The following KIF13A variants were observed in gnomAD, a reference collection of about 807,000 sequenced individuals.
The protein encoded by KIF13A is kinesin family member 13A.
KIF13A carries 79 observed loss-of-function variants against 212.2 expected under a neutral mutation model. The ratio of observed to expected loss-of-function variants is 0.37; its 90% CI spans 0.31 to 0.45. KIF13A has a LOEUF of 0.45. KIF13A is among the 20% of genes least tolerant of loss of function. KIF13A has a pLI of 1.00. For missense variants in KIF13A, 1,901 were observed against 2,209.0 expected (o/e 0.86, Z 2.79); for synonymous variants, 789 against 808.6 (o/e 0.98, Z 0.41).
rs114042066 is a variant in KIF13A, at chr6:17,892,002, C to G, written c.159+6166G>C. Among the ~76,000 whole-genome samples, 4 of 152,278 alleles carry G rather than the reference C, an allele frequency of 2.6e-5. No individual in the cohort carries two copies. The highest frequency in any genetic ancestry group is 6.5e-5 in the Admixed American group (1 of 15,298). On this transcript the variant is annotated intron_variant, in intron 3 of 38. Transcript: ENST00000259711. This position sits in a 1 kb window ranked among gnomAD's most constrained non-coding sequence, Gnocchi z 4.7. ...GATACCTCTTCCTCCACTTCCTACT[C>G]TCTTCACCCCAATAATTTACCTGAT... is the stretch of plus-strand genomic sequence containing the variant.
At position 17,826,188 on chromosome 6, in the gene KIF13A, C is replaced by G. The variant is rs1299878484; in HGVS notation, c.1533-64G>C. The G allele has an allele frequency of 1.5e-5, 19 of 1,231,664 alleles. No homozygotes were observed. In the East Asian group the frequency reaches 4.2e-4, roughly 27 times the overall value. 76.3% of individuals were successfully genotyped at this position (1,231,664 alleles called of 1,614,324 possible). A position where few individuals can be genotyped will look rare whatever the true frequency, so the allele number is the denominator to read the frequency against. ...GGAGCACAAGACCTTGTCCTGGTAG[C>G]CAAAGAGATAACTAGGGGAGCTTTC... is the stretch of plus-strand genomic sequence containing the variant. On this transcript the variant is annotated intron_variant, in intron 14 of 38. Coordinates refer to ENST00000259711, the MANE Select transcript of KIF13A (RefSeq NM_022113.6). The surrounding 1 kb of genome is among the most constrained non-coding windows in gnomAD (Gnocchi z 4.7).
chr6:17,931,824 A>G (rs536899050), intron 2 of KIF13A, among the ~76,000 whole-genome samples: 22 of 152,246 alleles, frequency 1.4e-4, no homozygotes, highest in Non-Finnish European at 2.5e-4. Context: ...TGATAATGGG[A>G]AAAAAATGCA....
chr6:17,924,767 A>T (rs1012013243), intron 2 of KIF13A, among the ~76,000 whole-genome samples: 6 of 152,232 alleles, frequency 3.9e-5, no homozygotes, highest in Non-Finnish European at 7.3e-5. Context: ...GCTAAGAAGC[A>T]AAGTCTTCCA....
chr6:17,845,805 C>T (rs73371152), intron 9 of KIF13A, among the ~76,000 whole-genome samples: 1,809 of 152,278 alleles, frequency 0.012, 27 homozygotes, highest in African/African-American at 0.041. Context: ...CAGTAGGCCA[C>T]GCAGTGTCTT....
chr6:17,773,591 G>T lies in KIF13A; in HGVS notation c.4219-8C>A. The stretch of plus-strand genomic sequence containing the variant: ...CTGGTTCTCTGGCCAACCCTACAAG[G>T]TAAAAATATGGGTTAACTGTAATTG... On this transcript the variant is annotated splice_polypyrimidine_tract_variant and splice_region_variant and intron_variant, in intron 35 of 38. Transcript: ENST00000259711. The surrounding 1 kb of genome is among the most constrained non-coding windows in gnomAD (Gnocchi z 4.2). 2 of 1,522,360 alleles carry T rather than the reference G, an allele frequency of 1.3e-6. No individual in the cohort carries two copies. The highest frequency in any genetic ancestry group is 1.7e-5 in the Admixed American group (1 of 59,170). The allele number at this position is 1,522,360 out of a possible 1,614,324, so 94.3% of individuals were successfully genotyped here. A position where few individuals can be genotyped will look rare whatever the true frequency, so the allele number is the denominator to read the frequency against.
At position 17,886,725 on chromosome 6, in the gene KIF13A, C is replaced by T. The variant is rs1380834633; in HGVS notation, c.159+11443G>A. Among the ~76,000 whole-genome samples the T allele has an allele frequency of 6.6e-6, 1 of 151,992 alleles. No homozygotes were observed. Among genetic ancestry groups the T allele is most frequent in the East Asian group, 1.9e-4 (1 of 5,192 alleles). On this transcript the variant is annotated intron_variant, in intron 3 of 38. Transcript: ENST00000259711. This position sits in a 1 kb window ranked among gnomAD's most constrained non-coding sequence, Gnocchi z 5.6. ...GAAACACACAGCACTTCACTTGAAC[C>T]CGGGAGGTGGAGGTTGCAGTGAGTT...
chr6:17,769,938 C>G lies in KIF13A; in HGVS notation c.4581+1176G>C, dbSNP rs1007964761. 6.6e-5 allele frequency among the ~76,000 whole-genome samples: 10 copies of G among 151,928 alleles called. 1 individual carries two copies. The South Asian group carries it at 1.0e-3, about 16-fold the overall frequency. ...TTTGGGATAGAGGGACAAGGAGAAA[C>G]CAAAGGCAGAGGAGGGGAAGAGGGA... On this transcript the variant is annotated intron_variant, in intron 38 of 38. Coordinates refer to ENST00000259711, the MANE Select transcript of KIF13A (RefSeq NM_022113.6). The surrounding 1 kb of genome is among the most constrained non-coding windows in gnomAD (Gnocchi z 5.8).
chr6:17,808,074 T>C (rs2150343285), intron 18 of KIF13A, among the ~76,000 whole-genome samples: 1 of 152,274 alleles, frequency 6.6e-6, no homozygotes, highest in African/African-American at 2.4e-5. Flanking sequence ...TCCTTTCTTG[T>C]AGAATTCACT....
rs1229986150 is a variant in KIF13A at position 17,785,445 on chromosome 6, T to C, written c.3488+70A>G. ...TTCTGTGACAATCCTGGAAAGTCTC[T>C]TGCATGGCTCTTGCCACAGGCGACC... On this transcript the variant is annotated intron_variant, in intron 28 of 38. Transcript: ENST00000259711. This position sits in a 1 kb window ranked among gnomAD's most constrained non-coding sequence, Gnocchi z 5.8. 1 of 1,428,892 alleles carries C rather than the reference T, an allele frequency of 7.0e-7. No individual in the cohort carries two copies. Among genetic ancestry groups the C allele is most frequent in the Non-Finnish European group, 9.2e-7 (1 of 1,088,076 alleles). The allele number at this position is 1,428,892 out of a possible 1,614,324, so 88.5% of individuals were successfully genotyped here.
At chr6:17,815,968 C>T (rs570845873) in intron 17 of KIF13A, among the ~76,000 whole-genome samples, 10 of 149,334 alleles carry the variant, frequency 6.7e-5, no homozygotes, top group Non-Finnish European at 1.2e-4. Context: ...AGTGCAATGG[C>T]GCGATCTTGG....
chr6:17,909,839 T>C (rs981123156), intron 2 of KIF13A, among the ~76,000 whole-genome samples: 1 of 152,008 alleles, frequency 6.6e-6, no homozygotes, highest in African/African-American at 2.4e-5. Context: ...AAGCCGAGAT[T>C]GCACGACTGC....
At chr6:17,836,662 C>T (rs1765980552) in intron 11 of KIF13A, among the ~76,000 whole-genome samples, 2 of 152,088 alleles carry the variant, frequency 1.3e-5, no homozygotes, top group African/African-American at 4.8e-5. Context: ...CTCACTATCA[C>T]GAGAACAGCA....
intron 17 of KIF13A, chr6:17,812,699 T>C (rs1370189617): frequency 6.6e-6 from 1 of 152,154 alleles, no homozygotes; most frequent in Non-Finnish European, 1.5e-5. Context: ...TACCCAATAG[T>C]GAGATGGCTG....
At chr6:17,874,682 AGTG>A (rs1187812561) in intron 3 of KIF13A, among the ~76,000 whole-genome samples, 1 of 151,948 alleles carries the variant, frequency 6.6e-6, no homozygotes, top group Non-Finnish European at 1.5e-5. Flanking sequence ...TTAGTTCTTT[AGTG>A]GTGATTTGTG....
Position 17,771,232 on chromosome 6 carries a change from G to C in KIF13A, c.4477-14C>G. On this transcript the variant is annotated splice_polypyrimidine_tract_variant and intron_variant, in intron 37 of 38. Transcript: ENST00000259711. This position sits in a 1 kb window ranked among gnomAD's most constrained non-coding sequence, Gnocchi z 5.4. ...TGGAGGCATGCTCTGCAAAGGTTAA[G>C]ACACACAGATGCATCACACACAAAG... The C allele has an allele frequency of 6.3e-7, 1 of 1,578,300 alleles. No homozygotes were observed. The highest frequency in any genetic ancestry group is 8.7e-7 in the Non-Finnish European group (1 of 1,150,246).
At chr6:17,802,923 G>GTTTTTTTTT (rs57190220) in intron 20 of KIF13A, among the ~76,000 whole-genome samples, 7 of 135,638 alleles carry the variant, frequency 5.2e-5, no homozygotes, top group African/African-American at 1.8e-4. Flanking sequence ...ATTTTTTTGT[G>GTTTTTTTTT]TTTTTTTTGT....
rs533236521 is a variant in KIF13A, at chr6:17,810,044, T to G, written c.2001-1114A>C. Among the ~76,000 whole-genome samples, 12 of 151,934 alleles carry G rather than the reference T, an allele frequency of 7.9e-5. 1 individual carries two copies. Among genetic ancestry groups the G allele is most frequent in the Admixed American group, 6.6e-4 (10 of 15,238 alleles). On this transcript the variant is annotated intron_variant, in intron 17 of 38. Coordinates refer to ENST00000259711, the MANE Select transcript of KIF13A (RefSeq NM_022113.6). Reference sequence around the variant, plus strand: ...GAGTTCAAGACCAGCCTGGGCAACATAGCAAGACCTCATCTCTATTAAAAA... The same window carrying G: ...GAGTTCAAGACCAGCCTGGGCAACAGAGCAAGACCTCATCTCTATTAAAAA...
intron 3 of KIF13A, among the ~76,000 whole-genome samples, chr6:17,894,398 G>A (rs554524719): frequency 7.2e-5 from 11 of 152,290 alleles, no homozygotes; most frequent in Admixed American, 2.0e-4. Flanking sequence ...GATCACAGGC[G>A]TGAGTCACTG....
chr6:17,940,822 T>A (rs1445330677), intron 2 of KIF13A, among the ~76,000 whole-genome samples: 2,529 of 148,824 alleles, frequency 0.017, 80 homozygotes, highest in African/African-American at 0.06. Context: ...AATTTATTTT[T>A]TTTTTTTTTT....
Sources: allele counts gnomAD v4.1 joint callset (sites outside exome capture counted in the v4.1 genomes callset), GRCh38; gene constraint gnomAD v4.1.1; non-coding constraint Gnocchi (gnomAD v3.1); transcripts MANE v1.5; gene names NCBI Gene and HGNC (gene_info 2026-07-23, HGNC 2026-07-21).